Variants in TOPBP1 observed in about 807,000 individuals in gnomAD.
TOPBP1 encodes DNA topoisomerase 2-binding protein 1.
Under a neutral mutation model 167.7 loss-of-function variants are expected in TOPBP1, and 28 were observed. The ratio of observed to expected loss-of-function variants is 0.17; its 90% CI spans 0.12 to 0.23. The LOEUF (loss-of-function observed/expected upper bound fraction) is 0.23. Ranked by LOEUF, TOPBP1 falls within the 10% of genes least tolerant of loss-of-function variation. The pLI is 1.00. For missense variants in TOPBP1, 1,554 were observed against 1,809.6 expected (o/e 0.86, Z 2.56); for synonymous variants, 598 against 611.4 (o/e 0.98, Z 0.32).
Position 133,623,358 on chromosome 3 carries a change from A to C in TOPBP1, c.3028T>G (p.Cys1010Gly). 6.2e-7 allele frequency: 1 copy of C among 1,613,672 alleles called. No homozygotes were observed. Among genetic ancestry groups the C allele is most frequent in the African/African-American group, 1.3e-5 (1 of 75,050 alleles). Reference sequence around the variant, plus strand: ...ACAGCTGAGAGTAGTCGACTATTACAGAGCCGGCCATCTTGCACTGCGCTG... The same window carrying C: ...ACAGCTGAGAGTAGTCGACTATTACCGAGCCGGCCATCTTGCACTGCGCTG... ...DISAVQDGRL[C>G]NSRLLSAVSS... is the part of the protein sequence containing the mutation. The change falls in exon 18 of 28, where the codon TGT becomes GGT. Residue 1010 changes from cysteine to glycine, a missense_variant. Physicochemically the swap from Cys to Gly is radical, Grantham distance 159. Around this residue, in one of 3 missense-constraint regions of TOPBP1, gnomAD observed 1,197 missense variants for 1,351.5 expected, o/e 0.89. Coordinates refer to ENST00000260810, the MANE Select transcript of TOPBP1 (RefSeq NM_007027.4).
In TOPBP1 at chr3:133,655,360, C is replaced by A. The variant is rs201889358; in HGVS notation, c.672G>T (p.Lys224Asn). ...DRKEVQQLTV[K>N]HGGQYMGQLK... Reference sequence around the variant, plus strand: ...ATTGTCCCATGTATTGACCTCCATGCTTAACTGTGAGTTGCTGAACTTCTT... The same window carrying A: ...ATTGTCCCATGTATTGACCTCCATGATTAACTGTGAGTTGCTGAACTTCTT... The change falls in exon 6 of 28, where the codon AAG becomes AAT. Residue 224 changes from lysine (K) to asparagine (N), a missense_variant. Lys to Asn is a moderately conservative substitution (Grantham distance 94, BLOSUM62 0). Around this residue, in one of 3 missense-constraint regions of TOPBP1, gnomAD observed 1,197 missense variants for 1,351.5 expected, o/e 0.89. Coordinates refer to ENST00000260810, the MANE Select transcript of TOPBP1 (RefSeq NM_007027.4). 3.3e-5 allele frequency: 53 copies of A among 1,607,842 alleles called. No individual in the cohort carries two copies. The African/African-American group carries it at 5.9e-4, about 18-fold the overall frequency.
At chr3:133,648,117 T>C (rs62282424) in intron 10 of TOPBP1, among the ~76,000 whole-genome samples, 21,974 of 152,156 alleles carry the variant, frequency 0.14, 1,896 homozygotes, top group Non-Finnish European at 0.2. Context: ...AGACAGATTA[T>C]CTGTAAAGGA....
At chr3:133,611,767 T>G (rs1934691131) in intron 24 of TOPBP1, among the ~76,000 whole-genome samples, 1 of 152,210 alleles carries the variant, frequency 6.6e-6, no homozygotes. Context: ...ATTTACTTTT[T>G]TAAGTAAATA....
chr3:133,646,303 T>C (rs1054597672), intron 10 of TOPBP1, among the ~76,000 whole-genome samples: 1 of 151,894 alleles, frequency 6.6e-6, no homozygotes, highest in African/African-American at 2.4e-5. Context: ...CTTAGGAAGG[T>C]TTAAGAAACT....
chr3:133,640,375 CT>C (rs766907332), intron 12 of TOPBP1, among the ~76,000 whole-genome samples: 9 of 152,182 alleles, frequency 5.9e-5, no homozygotes, highest in Non-Finnish European at 1.2e-4. Flanking sequence ...CTGTAACAAA[CT>C]TTTTATAAAA....
chr3:133,638,211 T>A, intron 13 of TOPBP1, 49 bp from the exon 14 acceptor site: 1 of 1,524,974 alleles, frequency 6.6e-7, no homozygotes, highest in African/African-American at 1.4e-5. Flanking sequence ...TAATGCCCAC[T>A]TTTTCCCGGT....
chr3:133,601,397 T>C lies in TOPBP1; in HGVS notation c.4426-4A>G, dbSNP rs201864481. The stretch of plus-strand genomic sequence containing the variant: ...TTTCTACATGAGGAGGTGATTCCTA[T>C]AAAAGGAAAAATAAGTGATTTTTTA... On this transcript the variant is annotated splice_polypyrimidine_tract_variant and splice_region_variant and intron_variant, in intron 27 of 27. Coordinates refer to ENST00000260810, the MANE Select transcript of TOPBP1 (RefSeq NM_007027.4). 7.1e-4 allele frequency: 1,060 copies of C among 1,491,116 alleles called. 3 individuals are homozygous for C. Among genetic ancestry groups the C allele is most frequent in the Middle Eastern group, 1.6e-3 (8 of 5,090 alleles). The allele number at this position is 1,491,116 out of a possible 1,614,324, so 92.4% of individuals were successfully genotyped here.
At chr3:133,636,684 A>T (rs1472752373) in intron 14 of TOPBP1, among the ~76,000 whole-genome samples, 1 of 152,194 alleles carries the variant, frequency 6.6e-6, no homozygotes, top group Non-Finnish European at 1.5e-5. Flanking sequence ...CAATATTATT[A>T]CATTTGCTCT....
At chr3:133,610,318 T>C (rs1020536373) in intron 25 of TOPBP1, among the ~76,000 whole-genome samples, 1 of 152,236 alleles carries the variant, frequency 6.6e-6, no homozygotes, top group Non-Finnish European at 1.5e-5. Context: ...TTTTGGAATA[T>C]AAAGAATTTC....
At chr3:133,606,339 C>T (rs754354267) in intron 27 of TOPBP1, among the ~76,000 whole-genome samples, 3 of 152,074 alleles carry the variant, frequency 2.0e-5, no homozygotes, top group Non-Finnish European at 2.9e-5. Flanking sequence ...AGTTCCCTTA[C>T]TGAAAAACCA....
chr3:133,622,837 C>T (rs1297646402), intron 19 of TOPBP1, among the ~76,000 whole-genome samples: 4 of 152,146 alleles, frequency 2.6e-5, no homozygotes, highest in African/African-American at 9.7e-5. Context: ...TACACTTAAA[C>T]TACATAAAAC....
intron 24 of TOPBP1, among the ~76,000 whole-genome samples, chr3:133,611,520 T>C (rs1191170368): frequency 2.0e-5 from 3 of 152,220 alleles, no homozygotes; most frequent in Non-Finnish European, 4.4e-5. Flanking sequence ...TATCTGTCTA[T>C]GTAGTAAAGA....
At position 133,643,282 on chromosome 3, in the gene TOPBP1, C is replaced by T; in HGVS notation, c.1939G>A (p.Glu647Lys). The change falls in exon 12 of 28, where the codon GAG (glutamate) becomes AAG (lysine). Residue 647 changes from glutamate to lysine, a missense_variant. Coordinates refer to ENST00000260810, the MANE Select transcript of TOPBP1 (RefSeq NM_007027.4). The stretch of plus-strand genomic sequence containing the variant: ...TGGCTAAATGAAATAACACAATCCT[C>T]TAAAGGAGTCATTCCTGTCATTACT... Reference protein sequence around the residue: ...VPVMTGMTPLEDCVISFSQCA... With the variant: ...VPVMTGMTPLKDCVISFSQCA... 6.2e-7 allele frequency: 1 copy of T among 1,613,030 alleles called. No individual in the cohort carries two copies. The highest frequency in any genetic ancestry group is 8.5e-7 in the Non-Finnish European group (1 of 1,179,460).
At chr3:133,638,834 C>T (rs1444861907) in intron 13 of TOPBP1, among the ~76,000 whole-genome samples, 1 of 152,166 alleles carries the variant, frequency 6.6e-6, no homozygotes, top group East Asian at 1.9e-4. Flanking sequence ...CATGCCAGGC[C>T]TAGTGTTAGA....
chr3:133,649,946 G>A lies in TOPBP1; in HGVS notation c.1090-3C>T, dbSNP rs774221892. On this transcript the variant is annotated splice_region_variant and splice_polypyrimidine_tract_variant and intron_variant, in intron 8 of 27. Coordinates refer to ENST00000260810, the MANE Select transcript of TOPBP1 (RefSeq NM_007027.4). ...CCACTAAAACCGCAAAGATATATCT[G>A]CAAGAAAGAAAATATTTAATATACA... 2 of 1,559,960 alleles carry A rather than the reference G, an allele frequency of 1.3e-6. No homozygotes were observed. Among genetic ancestry groups the A allele is most frequent in the South Asian group, 1.2e-5 (1 of 80,854 alleles).
chr3:133,645,336 G>T (rs1016975663), intron 10 of TOPBP1, among the ~76,000 whole-genome samples: 2 of 152,076 alleles, frequency 1.3e-5, no homozygotes, highest in African/African-American at 4.8e-5. Flanking sequence ...GGAGAGCTGG[G>T]TTCTAGTTTT....
intron 7 of TOPBP1, among the ~76,000 whole-genome samples, 156 bp downstream of exon 7, chr3:133,653,189 A>C (rs1936359582): frequency 6.6e-6 from 1 of 152,220 alleles, no homozygotes; most frequent in Non-Finnish European, 1.5e-5. Flanking sequence ...TTCAGTGCTA[A>C]CTTTTTATAC....
intron 4 of TOPBP1, among the ~76,000 whole-genome samples, chr3:133,657,166 A>T (rs1262816198): frequency 6.6e-6 from 1 of 150,606 alleles, no homozygotes; most frequent in Non-Finnish European, 1.5e-5. Flanking sequence ...AACATAAATT[A>T]TATCTATATA....
intron 3 of TOPBP1, 73 bp from the exon 4 acceptor site, chr3:133,658,014 A>T: frequency 1.6e-6 from 2 of 1,268,018 alleles, no homozygotes; most frequent in Non-Finnish European, 2.1e-6. Flanking sequence ...ACATTTTGTA[A>T]CATTCACCAA....
Sources: allele counts gnomAD v4.1 joint callset (sites outside exome capture counted in the v4.1 genomes callset), GRCh38; gene constraint gnomAD v4.1.1; regional missense constraint gnomAD v4.1.1; transcripts MANE v1.5; gene names NCBI Gene and HGNC (gene_info 2026-07-23, HGNC 2026-07-21).